TRMT2B: variants seen among roughly 807,000 people sequenced by gnomAD.
TRMT2B encodes the protein tRNA (uracil-5-)-methyltransferase homolog B.
In TRMT2B, 34 loss-of-function variants were observed where a neutral mutation model predicts 39.7. The observed-to-expected ratio is 0.86, with a 90% CI of 0.65 to 1.14. The LOEUF (loss-of-function observed/expected upper bound fraction) is 1.14. Among genes scored for constraint, TRMT2B ranks in the 50% most tolerant of loss-of-function variants. TRMT2B has a pLI of 0.00. For synonymous variants in TRMT2B, 132 were observed against 137.3 expected, an observed-to-expected ratio of 0.96 and a Z score of 0.27; for missense variants, 318 against 377.2, an observed-to-expected ratio of 0.84 and a Z score of 1.30.
Position 101,010,409 on chromosome X carries a change from CAA to C in TRMT2B, c.*170_*171del. The C allele has an allele frequency of 8.1e-6, 4 of 495,248 alleles. No homozygotes were observed. The highest frequency in any genetic ancestry group is 1.3e-5 in the Non-Finnish European group (4 of 306,522). 40.8% of individuals were successfully genotyped at this position (495,248 alleles called of 1,213,427 possible). ...CCTGGGCAAGAGTGAGACTCTATCT[CAA>C]AAAAAAAATCTGCCTCAGACCAGAG... is the stretch of plus-strand genomic sequence containing the variant. On this transcript the variant is annotated 3_prime_UTR_variant, in exon 14 of 14. Coordinates refer to ENST00000372936, the MANE Select transcript of TRMT2B (RefSeq NM_024917.6).
the TRMT2B span, chrX:100,990,309 A>C: frequency 1.1e-6 from 1 of 883,226 alleles, no homozygotes; most frequent in South Asian, 5.5e-5. Context: ...ACAATAACTG[A>C]CCTTTTTCTC....
intron 2 of TRMT2B, among the ~76,000 whole-genome samples, chrX:101,050,248 G>A (rs1434641219): frequency 9.0e-6 from 1 of 111,540 alleles, no homozygotes; most frequent in Non-Finnish European, 1.9e-5. Context: ...TTATTTCAAG[G>A]TGCCAACCAG....
intron 2 of TRMT2B, among the ~76,000 whole-genome samples, chrX:101,046,145 C>CAA (rs10659413): frequency 0.018 from 1,019 of 56,618 alleles, 36 homozygotes; most frequent in African/African-American, 0.048. Flanking sequence ...GACTCAGTCT[C>CAA]AAAAAAAAAA....
chrX:101,013,100 C>T lies in TRMT2B; in HGVS notation c.1389-2393G>A, dbSNP rs769090021. On this transcript the variant is annotated intron_variant, in intron 13 of 13. Transcript: ENST00000372936. Reference sequence around the variant, plus strand: ...CCTCCCGAAGTGCTGGGATTACAGGCGTGAGCCACCGCGCCCGGTCAGCTC... The same window carrying T: ...CCTCCCGAAGTGCTGGGATTACAGGTGTGAGCCACCGCGCCCGGTCAGCTC... 2.7e-5 allele frequency among the ~76,000 whole-genome samples: 3 copies of T among 111,726 alleles called. No homozygotes were observed. The East Asian group carries it at 8.5e-4, about 32-fold the overall frequency.
intron 11 of TRMT2B, 92 bp from the exon 12 acceptor site, chrX:101,019,495 C>A: frequency 9.4e-7 from 1 of 1,065,809 alleles, no homozygotes; most frequent in Non-Finnish European, 1.3e-6. Flanking sequence ...AAGGGCTCTG[C>A]CATCTTCCCT....
intron 13 of TRMT2B, among the ~76,000 whole-genome samples, chrX:101,016,139 T>C (rs1292483808): frequency 9.0e-6 from 1 of 111,575 alleles, no homozygotes; most frequent in Non-Finnish European, 1.9e-5. Flanking sequence ...AGTTCACTGG[T>C]TTTTAGTATA....
rs1602542276 is a variant in TRMT2B, at chrX:101,020,515, C to T, written c.1140G>A (p.Glu380=). Residue 380 remains glutamate (E), a synonymous_variant, in exon 11 of 14, where the codon GAG becomes GAA. Transcript: ENST00000372936. ...TGAAGGCTGCAGTCCATCTTGCATCCTCCACTGCCTGCTCCAACAATTCAA... is the reference window on the plus strand; with the variant it reads ...TGAAGGCTGCAGTCCATCTTGCATCTTCCACTGCCTGCTCCAACAATTCAA... ...LGIELLEQAV[E]DARWTAAFNG... 8.3e-7 allele frequency: 1 copy of T among 1,208,524 alleles called. No homozygotes were observed. Among genetic ancestry groups the T allele is most frequent in the South Asian group, 1.8e-5 (1 of 56,774 alleles).
At chrX:101,008,957 C>A (rs1349594570), downstream of TRMT2B, among the ~76,000 whole-genome samples, 3 of 111,670 alleles carry the variant, frequency 2.7e-5, no homozygotes, top group Non-Finnish European at 5.6e-5. Context: ...CTGCCTCCTG[C>A]CCACCCTGGT....
rs190187938 is a variant in TRMT2B at position 101,038,947 on chromosome X, C to T, written c.304-896G>A. On this transcript the variant is annotated intron_variant, in intron 4 of 13. Coordinates refer to ENST00000372936, the MANE Select transcript of TRMT2B (RefSeq NM_024917.6). ...TGTATTTTTAGTAGAGATGGGGTTT[C>T]GTTATGTTGCCCAGGCTGGTCTCAA... 3.8e-3 allele frequency among the ~76,000 whole-genome samples: 424 copies of T among 111,487 alleles called. 2 individuals are homozygous for T. The highest frequency in any genetic ancestry group is 0.013 in the African/African-American group (397 of 30,793).
At chrX:101,004,263 AAACAACAAC>A in the TRMT2B span, among the ~76,000 whole-genome samples, 9 of 105,748 alleles carry the variant, frequency 8.5e-5, no homozygotes, top group South Asian at 1.7e-3. Flanking sequence ...GTTTTTGGGA[AAACAACAAC>A]AACAACAACA....
intron 13 of TRMT2B, among the ~76,000 whole-genome samples, chrX:101,012,905 G>A (rs952111217): frequency 9.1e-6 from 1 of 109,432 alleles, no homozygotes; most frequent in Non-Finnish European, 1.9e-5. Context: ...TGCAACCTCC[G>A]CCTCCTGGAT....
In TRMT2B at chrX:101,042,042, C is replaced by T; in HGVS notation, c.248G>A (p.Arg83Lys). 8.3e-7 allele frequency: 1 copy of T among 1,211,478 alleles called. No individual in the cohort carries two copies. The highest frequency in any genetic ancestry group is 1.1e-6 in the Non-Finnish European group (1 of 895,308). ...GAGAGGACATCAGCCTGGCCTTTACCTTTCCTGCCAGGAACCATCTAGTGG... is the reference window on the plus strand; with the variant it reads ...GAGAGGACATCAGCCTGGCCTTTACTTTTCCTGCCAGGAACCATCTAGTGG... ...LGPLDGSWQERLADVVTPLWR... is the reference protein window; with the variant it reads ...LGPLDGSWQEKLADVVTPLWR... Residue 83 changes from arginine (R) to lysine (K), a missense_variant and splice_region_variant, in exon 3 of 14, where the codon AGG (arginine) becomes AAG (lysine). Coordinates refer to ENST00000372936, the MANE Select transcript of TRMT2B (RefSeq NM_024917.6).
rs780105208 is a variant in TRMT2B, at chrX:101,021,067, C to T, written c.1066+34G>A. On this transcript the variant is annotated intron_variant, in intron 10 of 13. Transcript: ENST00000372936. ...AGCTACAAGGGCCTTGGGAGCTGAG[C>T]AGCATGCAGATTCTGCCCTGGGCTT... is the stretch of plus-strand genomic sequence containing the variant. 2.0e-5 allele frequency: 24 copies of T among 1,174,770 alleles called. No individual in the cohort carries two copies. In the African/African-American group the frequency reaches 2.8e-4, roughly 14 times the overall value.
the TRMT2B span, among the ~76,000 whole-genome samples, chrX:100,982,196 G>A: frequency 9.0e-6 from 1 of 111,017 alleles, no homozygotes; most frequent in African/African-American, 3.3e-5. Context: ...TTGAGAGAAC[G>A]AGGCCTGGAG....
intron 2 of TRMT2B, among the ~76,000 whole-genome samples, chrX:101,044,643 G>A (rs755535296): frequency 3.6e-5 from 4 of 110,880 alleles, no homozygotes; most frequent in Middle Eastern, 9.2e-3. Flanking sequence ...GGATCACGAG[G>A]TCAGGAGTTC....
the TRMT2B span, among the ~76,000 whole-genome samples, chrX:100,979,598 T>G: frequency 8.9e-6 from 1 of 111,992 alleles, no homozygotes; most frequent in Non-Finnish European, 1.9e-5. Flanking sequence ...CTCTGTAATA[T>G]GTTACTGGTG....
Position 101,042,117 on chromosome X carries a change from G to A in TRMT2B, c.173C>T (p.Thr58Met), listed in dbSNP as rs368600602. The A allele has an allele frequency of 1.4e-5, 17 of 1,210,318 alleles. No homozygotes were observed. The East Asian group carries it at 1.8e-4, about 13-fold the overall frequency. Residue 58 changes from threonine to methionine, a missense_variant, in exon 3 of 14, where the codon ACG becomes ATG. By Grantham distance (81) the Thr-to-Met change is moderately conservative. Transcript: ENST00000372936. ...CKGDFTRVIA[T>M]KCQKGQKSQK... The stretch of plus-strand genomic sequence containing the variant: ...ACTTTTTTGTCCTTTCTGACATTTC[G>A]TGGCTATCACACGGGTGAAATCTCC...
In TRMT2B at chrX:101,020,387, TGGGTCA is replaced by T. The variant is rs746242813; in HGVS notation, c.1168+94_1168+99del. The T allele has an allele frequency of 9.2e-6, 6 of 655,024 alleles. No individual in the cohort carries two copies. The African/African-American group carries it at 1.1e-4, about 12-fold the overall frequency. 54.0% of individuals were successfully genotyped at this position (655,024 alleles called of 1,213,427 possible). ...CCAGAATTCCCTCCCTTCCTCCCTG[TGGGTCA>T]GGGATACAGTAGTTGCCTTTTCCCA... On this transcript the variant is annotated intron_variant, in intron 11 of 13. Coordinates refer to ENST00000372936, the MANE Select transcript of TRMT2B (RefSeq NM_024917.6).
In TRMT2B at chrX:101,014,088, C is replaced by T. The variant is rs538650740; in HGVS notation, c.1389-3381G>A. Among the ~76,000 whole-genome samples, 6 of 110,257 alleles carry T rather than the reference C, an allele frequency of 5.4e-5. No homozygotes were observed. The South Asian group carries it at 1.5e-3, about 28-fold the overall frequency. On this transcript the variant is annotated intron_variant, in intron 13 of 13. Transcript: ENST00000372936. ...GGCAACAGAGCAAGACTCCATCCCC[C>T]GCAAAAAAAAGCATCAAATAGAATA...
Sources: allele counts gnomAD v4.1 joint callset (sites outside exome capture counted in the v4.1 genomes callset), GRCh38; gene constraint gnomAD v4.1.1; transcripts MANE v1.5; gene names NCBI Gene and HGNC (gene_info 2026-07-23, HGNC 2026-07-21).